CDH12: variants seen among roughly 807,000 people sequenced by gnomAD.
CDH12 encodes the protein cadherin-12.
A neutral mutation model predicts 74.1 loss-of-function variants in CDH12; 41 were observed. The observed-to-expected ratio is 0.55, with a 90% CI of 0.43 to 0.72. CDH12 has a LOEUF of 0.72. Among genes scored for constraint, CDH12 ranks in the 30% least tolerant of loss-of-function variants. The pLI, the probability that CDH12 is intolerant of heterozygous loss-of-function variation, is 0.00. For synonymous variants in CDH12, 399 were observed against 355.0 expected, an observed-to-expected ratio of 1.12 and a Z score of -1.39; for missense variants, 945 against 977.2, an observed-to-expected ratio of 0.97 and a Z score of 0.44.
intron 6 of CDH12, among the ~76,000 whole-genome samples, chr5:21,871,956 A>G (rs1055810726): frequency 1.3e-5 from 2 of 152,262 alleles, no homozygotes; most frequent in Middle Eastern, 3.4e-3. Context: ...AGTAGATAAT[A>G]ATGATATTGG....
chr5:22,681,966 GA>G (rs144884720), intron 1 of CDH12, among the ~76,000 whole-genome samples: 20 of 150,490 alleles, frequency 1.3e-4, no homozygotes, highest in South Asian at 1.0e-3. Context: ...AAAACAGAAG[GA>G]AAAAAAAATC....
At chr5:22,595,948 A>T (rs1202658440) in intron 1 of CDH12, among the ~76,000 whole-genome samples, 1 of 150,488 alleles carries the variant, frequency 6.6e-6, no homozygotes, top group African/African-American at 2.4e-5. Context: ...AAATAAAAAA[A>T]ATTAAAAAAA....
At chr5:22,027,376 T>A (rs987918562) in intron 5 of CDH12, among the ~76,000 whole-genome samples, 1 of 152,200 alleles carries the variant, frequency 6.6e-6, no homozygotes, top group Non-Finnish European at 1.5e-5. Context: ...TTGGAATAGT[T>A]TCAGAAGGAA....
At chr5:22,342,114 TC>T (rs2150455773) in intron 3 of CDH12, among the ~76,000 whole-genome samples, 1 of 152,246 alleles carries the variant, frequency 6.6e-6, no homozygotes, top group South Asian at 2.1e-4. Flanking sequence ...GCTCTCTTCC[TC>T]TTTTTATAAG....
intron 1 of CDH12, among the ~76,000 whole-genome samples, chr5:22,706,385 A>G (rs1353694368): frequency 6.6e-6 from 1 of 152,110 alleles, no homozygotes; most frequent in Non-Finnish European, 1.5e-5. Context: ...TAATTCATTC[A>G]TAAATCATTA....
chr5:22,837,276 T>G (rs1024069658), intron 1 of CDH12, among the ~76,000 whole-genome samples: 1 of 151,960 alleles, frequency 6.6e-6, no homozygotes, highest in Non-Finnish European at 1.5e-5. Context: ...TTAAAAAAAT[T>G]AGCTGGGTGT....
At chr5:21,769,237 C>T (rs1229473852) in intron 11 of CDH12, among the ~76,000 whole-genome samples, 4 of 151,812 alleles carry the variant, frequency 2.6e-5, no homozygotes, top group African/African-American at 9.7e-5. Flanking sequence ...TCAACATTGT[C>T]CTTGAGAATT....
chr5:21,760,767 A>G, intron 12 of CDH12, 92 bp from the exon 13 acceptor site: 1 of 777,016 alleles, frequency 1.3e-6, no homozygotes, highest in Non-Finnish European at 2.2e-6. Context: ...GCATGCAAGT[A>G]GACAGAAATG....
chr5:22,575,575 A>T (rs528361407), intron 1 of CDH12, among the ~76,000 whole-genome samples: 19 of 151,716 alleles, frequency 1.3e-4, no homozygotes, highest in African/African-American at 4.6e-4. Flanking sequence ...TTATTTATTT[A>T]TTTATTTGAG....
At chr5:22,425,792 A>G (rs896112695) in intron 2 of CDH12, among the ~76,000 whole-genome samples, 1 of 152,186 alleles carries the variant, frequency 6.6e-6, no homozygotes, top group Non-Finnish European at 1.5e-5. Context: ...CATAAAATCA[A>G]ATTACCTGGT....
intron 7 of CDH12, among the ~76,000 whole-genome samples, chr5:21,851,062 A>G (rs1750440361): frequency 6.6e-6 from 1 of 151,164 alleles, no homozygotes; most frequent in South Asian, 2.1e-4. Flanking sequence ...CCATGATAGG[A>G]AAAAAACAAT....
chr5:22,355,498 G>GAT (rs1224363072), intron 3 of CDH12, among the ~76,000 whole-genome samples: 1 of 95,252 alleles, frequency 1.0e-5, no homozygotes, highest in Non-Finnish European at 2.2e-5. Context: ...GAAGGAGAGA[G>GAT]ATATATATAT....
At chr5:22,047,527 C>T (rs1166722573) in intron 5 of CDH12, among the ~76,000 whole-genome samples, 3 of 141,104 alleles carry the variant, frequency 2.1e-5, no homozygotes, top group South Asian at 2.2e-4. Flanking sequence ...AAAGTAAACA[C>T]CCCCCCCCAC....
At chr5:22,368,625 C>T (rs1295202933) in intron 3 of CDH12, among the ~76,000 whole-genome samples, 9 of 152,054 alleles carry the variant, frequency 5.9e-5, no homozygotes, top group African/African-American at 1.9e-4. Context: ...TTTAATTTCA[C>T]AATTCTAAAA....
intron 1 of CDH12, among the ~76,000 whole-genome samples, chr5:22,698,719 A>AG (rs1561585960): frequency 2.8e-3 from 65 of 23,198 alleles, no homozygotes; most frequent in Admixed American, 3.5e-3. Context: ...ATATATATAT[A>AG]TATATATATA....
chr5:22,843,512 A>G (rs1365519557), intron 1 of CDH12, among the ~76,000 whole-genome samples: 3 of 151,902 alleles, frequency 2.0e-5, no homozygotes, highest in Non-Finnish European at 4.4e-5. Flanking sequence ...AAAGTATTTC[A>G]TTTTTAGGAA....
At chr5:22,054,164 C>T (rs900981663) in intron 5 of CDH12, among the ~76,000 whole-genome samples, 11 of 151,992 alleles carry the variant, frequency 7.2e-5, no homozygotes, top group African/African-American at 2.2e-4. Context: ...TAATATAGAG[C>T]GTCTGCTAAA....
At chr5:22,171,965 C>T (rs1046479539) in intron 4 of CDH12, among the ~76,000 whole-genome samples, 3 of 151,846 alleles carry the variant, frequency 2.0e-5, no homozygotes, top group African/African-American at 4.8e-5. Context: ...GAAAGGTAAC[C>T]TGAGTTCCTT....
At chr5:22,003,282 G>T (rs1203812007) in intron 5 of CDH12, among the ~76,000 whole-genome samples, 2 of 152,138 alleles carry the variant, frequency 1.3e-5, no homozygotes, top group Admixed American at 6.5e-5. Context: ...AGAATCAGAG[G>T]TTTATTTAAC....
Sources: gnomAD v4.1 joint callset for allele counts (sites outside exome capture counted in the v4.1 genomes callset) on GRCh38, gnomAD v4.1.1 for gene constraint, MANE v1.5 for transcripts, NCBI Gene and HGNC (gene_info 2026-07-23, HGNC 2026-07-21) for gene names.